EEFSEC: variants seen among roughly 807,000 people sequenced by gnomAD.
EEFSEC encodes eukaryotic elongation factor, selenocysteine-tRNA specific.
A neutral mutation model predicts 42.1 loss-of-function variants in EEFSEC; 43 were observed. That is an observed-to-expected ratio of 1.02 (90% CI 0.80 to 1.32). The LOEUF (loss-of-function observed/expected upper bound fraction) is 1.32, where lower values mean the gene tolerates loss of function less well. EEFSEC is among the 40% of genes most tolerant of loss of function. The pLI is 0.00. For synonymous variants in EEFSEC, 354 were observed against 339.1 expected, an observed-to-expected ratio of 1.04 and a Z score of -0.48; for missense variants, 745 against 803.6, an observed-to-expected ratio of 0.93 and a Z score of 0.88.
At chr3:128,199,123 C>T (rs2065617654) in intron 1 of EEFSEC, among the ~76,000 whole-genome samples, 1 of 152,214 alleles carries the variant, frequency 6.6e-6, no homozygotes, top group African/African-American at 2.4e-5. Flanking sequence ...TGAGCTACCA[C>T]ACCTGGCCTG....
chr3:128,357,455 A>G (rs1176889493), intron 5 of EEFSEC, among the ~76,000 whole-genome samples: 1 of 152,274 alleles, frequency 6.6e-6, no homozygotes, highest in East Asian at 1.9e-4. Context: ...GCCATGGCCA[A>G]CAGGGGCCAG....
At chr3:128,326,291 G>T (rs1263145761) in intron 4 of EEFSEC, among the ~76,000 whole-genome samples, 2 of 152,244 alleles carry the variant, frequency 1.3e-5, no homozygotes, top group Admixed American at 6.5e-5. Context: ...GCCAGGCACT[G>T]CGTGAAGCTT....
chr3:128,155,522 A>G (rs576928175), intron 1 of EEFSEC, among the ~76,000 whole-genome samples: 1 of 152,370 alleles, frequency 6.6e-6, no homozygotes, highest in South Asian at 2.1e-4. Flanking sequence ...AAATGATACA[A>G]TAATATAAAC....
chr3:128,177,380 G>A (rs2065361155), intron 1 of EEFSEC, among the ~76,000 whole-genome samples: 1 of 149,996 alleles, frequency 6.7e-6, no homozygotes, highest in Non-Finnish European at 1.5e-5. Flanking sequence ...CTTTCAATTG[G>A]AGAAATAGTG....
chr3:128,245,679 T>C (rs2107896236), intron 1 of EEFSEC, among the ~76,000 whole-genome samples: 1 of 152,310 alleles, frequency 6.6e-6, no homozygotes, highest in East Asian at 1.9e-4. Flanking sequence ...GGAGCCCTGA[T>C]TTCTAGTGTC....
At chr3:128,181,770 T>C in intron 1 of EEFSEC, among the ~76,000 whole-genome samples, 1 of 152,228 alleles carries the variant, frequency 6.6e-6, no homozygotes, top group East Asian at 1.9e-4. Flanking sequence ...GGGTTAATGT[T>C]GTCAAGCCAT....
At chr3:128,351,557 G>A (rs1025636686) in intron 5 of EEFSEC, among the ~76,000 whole-genome samples, 5 of 152,322 alleles carry the variant, frequency 3.3e-5, no homozygotes, top group South Asian at 2.1e-4. Flanking sequence ...TTCATGGCAC[G>A]TTTGCCTGCC....
intron 5 of EEFSEC, among the ~76,000 whole-genome samples, chr3:128,346,146 T>A (rs2067310344): frequency 6.6e-6 from 1 of 152,228 alleles, no homozygotes; most frequent in African/African-American, 2.4e-5. Flanking sequence ...CCCTACCAGT[T>A]GTGGCTTAAC....
chr3:128,187,548 GT>G (rs751909690), intron 1 of EEFSEC, among the ~76,000 whole-genome samples: 3 of 152,160 alleles, frequency 2.0e-5, no homozygotes, highest in Non-Finnish European at 4.4e-5. Flanking sequence ...TGTCATTTTT[GT>G]TATTTTTTTC....
intron 1 of EEFSEC, among the ~76,000 whole-genome samples, chr3:128,236,734 A>C (rs1332928425): frequency 6.6e-6 from 1 of 151,754 alleles, no homozygotes; most frequent in African/African-American, 2.4e-5. Flanking sequence ...TTGCCTACCA[A>C]CTCCTTCTCC....
chr3:128,291,636 C>A (rs1017983803), intron 4 of EEFSEC, among the ~76,000 whole-genome samples: 9 of 152,308 alleles, frequency 5.9e-5, no homozygotes, highest in Middle Eastern at 3.4e-3. Flanking sequence ...GCTGCAAAAT[C>A]TTTTCCTGCT....
chr3:128,308,200 G>A lies in EEFSEC; in HGVS notation c.787-33033G>A, dbSNP rs190526472. On this transcript the variant is annotated intron_variant, in intron 4 of 6. Transcript: ENST00000254730. The stretch of plus-strand genomic sequence containing the variant: ...AAGAGGCTGGAGGCCAAGCTTGGCC[G>A]TAGCTCTGCTCTTATTATATGATGC... Among the ~76,000 whole-genome samples the A allele has an allele frequency of 7.8e-4, 119 of 152,356 alleles. 1 individual carries two copies. The highest frequency in any genetic ancestry group is 1.1e-3 in the Non-Finnish European group (73 of 68,040).
At chr3:128,256,257 T>C (rs149684593) in intron 2 of EEFSEC, among the ~76,000 whole-genome samples, 9 of 152,354 alleles carry the variant, frequency 5.9e-5, no homozygotes, top group African/African-American at 2.2e-4. Flanking sequence ...AGCTAGAATT[T>C]AATAGCTCTA....
chr3:128,342,666 G>A (rs998652690), intron 5 of EEFSEC, among the ~76,000 whole-genome samples: 3 of 152,226 alleles, frequency 2.0e-5, no homozygotes, highest in African/African-American at 7.2e-5. Context: ...TGCTTTCAGG[G>A]TGGTGCCTGC....
intron 1 of EEFSEC, among the ~76,000 whole-genome samples, chr3:128,165,901 C>T (rs1238428790): frequency 3.3e-5 from 5 of 152,162 alleles, no homozygotes; most frequent in African/African-American, 9.7e-5. Context: ...CACTAGAGCT[C>T]AGTCTTCCCA....
At chr3:128,359,251 G>A (rs1242856379) in intron 6 of EEFSEC, among the ~76,000 whole-genome samples, 1 of 152,160 alleles carries the variant, frequency 6.6e-6, no homozygotes, top group Non-Finnish European at 1.5e-5. Flanking sequence ...AGCTTCAAGT[G>A]CATTTGCAGG....
At chr3:128,220,461 A>C (rs1313974611) in intron 1 of EEFSEC, among the ~76,000 whole-genome samples, 1 of 152,112 alleles carries the variant, frequency 6.6e-6, no homozygotes, top group East Asian at 1.9e-4. Flanking sequence ...TCACAGAGAG[A>C]GTCACAGGAA....
At chr3:128,416,939 G>A in the EEFSEC span, among the ~76,000 whole-genome samples, 2 of 152,128 alleles carry the variant, frequency 1.3e-5, no homozygotes, top group Non-Finnish European at 2.9e-5. Flanking sequence ...GCCTGGTGCC[G>A]CGGGTTCCTG....
At chr3:128,246,363 TC>T (rs1341796173) in intron 1 of EEFSEC, among the ~76,000 whole-genome samples, 3 of 152,190 alleles carry the variant, frequency 2.0e-5, no homozygotes, top group Admixed American at 6.5e-5. Context: ...TGCTGTCCAC[TC>T]CCTAATCCTC....
Sources: allele counts gnomAD v4.1 joint callset (sites outside exome capture counted in the v4.1 genomes callset), GRCh38; gene constraint gnomAD v4.1.1; transcripts MANE v1.5; gene names NCBI Gene and HGNC (gene_info 2026-07-23, HGNC 2026-07-21).